The following PPP1R12A variants were observed in gnomAD, a reference collection of about 807,000 sequenced individuals.
PPP1R12A encodes myosin binding subunit.
Under a neutral mutation model 139.6 loss-of-function variants are expected in PPP1R12A, and 19 were observed. The ratio of observed to expected loss-of-function variants is 0.14; its 90% CI spans 0.09 to 0.20. PPP1R12A has a LOEUF of 0.20. Among genes scored for constraint, PPP1R12A ranks in the 10% least tolerant of loss-of-function variants. PPP1R12A has a pLI of 1.00. For synonymous variants in PPP1R12A, 427 were observed against 420.6 expected (o/e 1.02, Z -0.19); for missense variants, 925 against 1,211.5 (o/e 0.76, Z 3.51).
At chr12:79,818,131 T>C (rs1875634427) in intron 8 of PPP1R12A, among the ~76,000 whole-genome samples, 1 of 152,140 alleles carries the variant, frequency 6.6e-6, no homozygotes, top group South Asian at 2.1e-4. Context: ...ATTCTTCAAG[T>C]AGTGCCCTAG....
At chr12:79,813,933 G>C (rs1348993492) in intron 9 of PPP1R12A, among the ~76,000 whole-genome samples, 1 of 152,162 alleles carries the variant, frequency 6.6e-6, no homozygotes, top group Non-Finnish European at 1.5e-5. Flanking sequence ...TAGGAAGCTG[G>C]AGAACTTGAT....
At chr12:79,900,364 T>G (rs1885522880) in intron 1 of PPP1R12A, among the ~76,000 whole-genome samples, 1 of 152,184 alleles carries the variant, frequency 6.6e-6, no homozygotes, top group Non-Finnish European at 1.5e-5. Context: ...AAGCTCCATG[T>G]AAACTCCACC....
intron 1 of PPP1R12A, among the ~76,000 whole-genome samples, chr12:79,879,191 C>A (rs963273330): frequency 6.6e-6 from 1 of 152,028 alleles, no homozygotes; most frequent in African/African-American, 2.4e-5. Context: ...ACCAGCCTGG[C>A]CAACACGGCA....
intron 2 of PPP1R12A, among the ~76,000 whole-genome samples, chr12:79,845,653 G>A (rs985825477): frequency 8.5e-5 from 13 of 152,074 alleles, no homozygotes; most frequent in Admixed American, 5.9e-4. Flanking sequence ...ATCCTAACAC[G>A]GTGAAACCCT....
chr12:79,914,029 C>T (rs1470676199), intron 1 of PPP1R12A: 2 of 152,058 alleles, frequency 1.3e-5, no homozygotes, highest in Admixed American at 6.6e-5. Flanking sequence ...TAAAACGATG[C>T]CACTCTTTTT....
chr12:79,820,675 T>C, intron 8 of PPP1R12A, 99 bp downstream of exon 8: 1 of 1,264,652 alleles, frequency 7.9e-7, no homozygotes, highest in Admixed American at 2.2e-5. Flanking sequence ...TCTAAACAAG[T>C]AGCAAATCAG....
intron 3 of PPP1R12A, among the ~76,000 whole-genome samples, chr12:79,841,971 A>G (rs112106581): frequency 6.6e-5 from 10 of 151,484 alleles, no homozygotes; most frequent in African/African-American, 2.4e-4. Context: ...CCTCAATTCT[A>G]TTTTAGGTAT....
At chr12:79,875,743 A>T (rs779631295) in intron 1 of PPP1R12A, among the ~76,000 whole-genome samples, 6 of 152,232 alleles carry the variant, frequency 3.9e-5, no homozygotes, top group African/African-American at 1.4e-4. Context: ...GTAGCTGTTG[A>T]AAGTAATAAA....
In PPP1R12A at chr12:79,775,170, A is replaced by AT. The variant is rs1317301714; in HGVS notation, c.*758dup. ...ACAGAATCTAACATCTTATACTACA[A>AT]TAAAAAAAAAGTGACCAATGAAGCA... On this transcript the variant is annotated 3_prime_UTR_variant, in exon 25 of 25. Coordinates refer to ENST00000450142, the MANE Select transcript of PPP1R12A (RefSeq NM_002480.3). 6.6e-6 allele frequency: 1 copy of AT among 152,538 alleles called. No homozygotes were observed. The highest frequency in any genetic ancestry group is 2.4e-5 in the African/African-American group (1 of 41,452). 9.4% of individuals were successfully genotyped at this position (152,538 alleles called of 1,614,324 possible). A position where few individuals can be genotyped will look rare whatever the true frequency, so the allele number is the denominator to read the frequency against.
At chr12:79,871,027 A>G (rs1424806117) in intron 2 of PPP1R12A, among the ~76,000 whole-genome samples, 1 of 152,158 alleles carries the variant, frequency 6.6e-6, no homozygotes, top group African/African-American at 2.4e-5. Flanking sequence ...GTGGATATGT[A>G]AAACACAATT....
intron 24 of PPP1R12A, among the ~76,000 whole-genome samples, chr12:79,777,880 G>A (rs1467307267): frequency 6.6e-6 from 1 of 151,996 alleles, no homozygotes; most frequent in Admixed American, 6.6e-5. Flanking sequence ...TTCAATAATG[G>A]TCTAATAACA....
intron 2 of PPP1R12A, among the ~76,000 whole-genome samples, chr12:79,869,577 T>C (rs868822008): frequency 2.0e-5 from 3 of 152,124 alleles, no homozygotes; most frequent in Admixed American, 6.6e-5. Context: ...GCTCAAGTAA[T>C]GCAACAGCAG....
chr12:79,880,921 C>T (rs1370490788), intron 1 of PPP1R12A, among the ~76,000 whole-genome samples: 1 of 151,934 alleles, frequency 6.6e-6, no homozygotes, highest in Non-Finnish European at 1.5e-5. Flanking sequence ...TAAATTTTTT[C>T]ATTATTACTA....
At chr12:79,851,588 C>T (rs1880047686) in intron 2 of PPP1R12A, among the ~76,000 whole-genome samples, 2 of 152,144 alleles carry the variant, frequency 1.3e-5, no homozygotes, top group African/African-American at 4.8e-5. Context: ...CAAAAGTCTG[C>T]ATATGCCATG....
chr12:79,934,205 T>A (rs1226803984), intron 1 of PPP1R12A, among the ~76,000 whole-genome samples: 1 of 152,206 alleles, frequency 6.6e-6, no homozygotes, highest in Non-Finnish European at 1.5e-5. Context: ...ATTATCATCA[T>A]TTGTAATCAA....
At position 79,935,091 on chromosome 12, in the gene PPP1R12A, G is replaced by A; in HGVS notation, c.-160C>T. ...CGCTCGAGACTTCCAGTATCCCACAGAGCACTGGGGCGGCGCACCCGGCCG... is the reference window on the plus strand; with the variant it reads ...CGCTCGAGACTTCCAGTATCCCACAAAGCACTGGGGCGGCGCACCCGGCCG... On this transcript the variant is annotated 5_prime_UTR_variant, in exon 1 of 25. Transcript: ENST00000450142. 7.3e-7 allele frequency: 1 copy of A among 1,373,912 alleles called. No individual in the cohort carries two copies. Among genetic ancestry groups the A allele is most frequent in the African/African-American group, 1.5e-5 (1 of 67,100 alleles). 85.1% of individuals were successfully genotyped at this position (1,373,912 alleles called of 1,614,324 possible). A position where few individuals can be genotyped will look rare whatever the true frequency, so the allele number is the denominator to read the frequency against.
chr12:79,801,345 C>CAAAAAAAAAAAAAAAAAAAAAA (rs201977462), intron 14 of PPP1R12A, among the ~76,000 whole-genome samples: 1 of 20,188 alleles, frequency 5.0e-5, no homozygotes. Flanking sequence ...AACTCTGTCT[C>CAAAAAAAAAAAAAAAAAAAAAA]AAAAAAAAAA....
chr12:79,808,529 G>A lies in PPP1R12A; in HGVS notation c.1504C>T (p.Pro502Ser), dbSNP rs746022915. Residue 502 changes from proline to serine, a missense_variant, in exon 11 of 25, where the codon CCA becomes TCA. By Grantham distance (74) the Pro-to-Ser change is moderately conservative. Coordinates refer to ENST00000450142, the MANE Select transcript of PPP1R12A (RefSeq NM_002480.3). ...TRLAYVAPTI[P>S]RRLASTSDIE... ...TCAGATGTACTGGCTAGTCGTCTTG[G>A]TATTGTAGGTGCAACATATGCAAGC... 19 of 1,609,246 alleles carry A rather than the reference G, an allele frequency of 1.2e-5. No homozygotes were observed. Among genetic ancestry groups the A allele is most frequent in the South Asian group, 3.3e-5 (3 of 90,354 alleles).
intron 1 of PPP1R12A, among the ~76,000 whole-genome samples, chr12:79,882,644 T>G (rs1253799183): frequency 6.6e-6 from 1 of 152,202 alleles, no homozygotes; most frequent in Admixed American, 6.5e-5. Context: ...TGGCAGGGTC[T>G]GAGAGGATCG....
Sources: allele counts gnomAD v4.1 joint callset (sites outside exome capture counted in the v4.1 genomes callset), GRCh38; gene constraint gnomAD v4.1.1; transcripts MANE v1.5; gene names NCBI Gene and HGNC (gene_info 2026-07-23, HGNC 2026-07-21).